Variants in PCDH11X observed in about 807,000 individuals in gnomAD.
The protein encoded by PCDH11X is protocadherin-11 X-linked.
A neutral mutation model predicts 53.3 loss-of-function variants in PCDH11X; 18 were observed. The ratio of observed to expected loss-of-function variants is 0.34; its 90% confidence interval spans 0.23 to 0.50. The LOEUF (loss-of-function observed/expected upper bound fraction) is 0.50, where lower values mean the gene tolerates loss of function less well. Ranked by LOEUF, PCDH11X falls within the 20% of genes least tolerant of loss-of-function variation. The pLI is 0.98. For missense variants in PCDH11X, 570 were observed against 1,032.4 expected (o/e 0.55, Z 6.14); for synonymous variants, 279 against 393.3 (o/e 0.71, Z 3.44).
At chrX:92,199,944 C>G (rs1046814800) in intron 6 of PCDH11X, among the ~76,000 whole-genome samples, 1 of 110,748 alleles carries the variant, frequency 9.0e-6, no homozygotes, top group African/African-American at 3.3e-5. Flanking sequence ...AGACGTTGAA[C>G]TGCTCACAGT....
chrX:92,041,521 C>T (rs1407717008), intron 6 of PCDH11X, among the ~76,000 whole-genome samples: 2 of 110,584 alleles, frequency 1.8e-5, no homozygotes, highest in Admixed American at 9.7e-5. Flanking sequence ...ACATTAAAAA[C>T]GTCAATGTAA....
intron 8 of PCDH11X, among the ~76,000 whole-genome samples, chrX:92,301,747 T>TTTTTTTTTTGAGAGG (rs1569459128): frequency 9.1e-6 from 1 of 110,383 alleles, no homozygotes; most frequent in African/African-American, 3.4e-5. Context: ...GTGTTGTCTT[T>TTTTTTTTTTGAGAGG]GCCTGGTTCT....
chrX:91,810,286 C>A (rs2147558928), intron 2 of PCDH11X, among the ~76,000 whole-genome samples, 187 bp from the exon 3 acceptor site: 1 of 111,158 alleles, frequency 9.0e-6, no homozygotes, highest in Non-Finnish European at 1.9e-5. Context: ...TCTTTATGTT[C>A]TTTGCTTCCC....
Position 92,298,760 on chromosome X carries a change from C to T in PCDH11X, c.3144+35617C>T, listed in dbSNP as rs1006562704. 5.4e-5 allele frequency among the ~76,000 whole-genome samples: 6 copies of T among 110,403 alleles called. No individual in the cohort carries two copies. The Admixed American group carries it at 5.8e-4, about 11-fold the overall frequency. On this transcript the variant is annotated intron_variant, in intron 8 of 10. Transcript: ENST00000682573. ...AGGTTCGGGCTGCTATTTCTTGTGG[C>T]CCAATAACAAGATGCAGATGAACTA... is the stretch of plus-strand genomic sequence containing the variant.
At chrX:92,570,932 GA>G (rs753119707) in intron 10 of PCDH11X, among the ~76,000 whole-genome samples, 2,637 of 111,181 alleles carry the variant, frequency 0.024, 75 homozygotes, top group African/African-American at 0.08. Flanking sequence ...AGAGAAAAAA[GA>G]ATAAACACAT....
chrX:92,186,358 A>G (rs1318734599), intron 6 of PCDH11X, among the ~76,000 whole-genome samples: 1 of 111,899 alleles, frequency 8.9e-6, no homozygotes, highest in Non-Finnish European at 1.9e-5. Context: ...AGCTGGGCGT[A>G]GTGGCTCACG....
intron 10 of PCDH11X, among the ~76,000 whole-genome samples, chrX:92,592,349 C>T (rs1385720105): frequency 4.7e-5 from 5 of 105,737 alleles, no homozygotes; most frequent in Admixed American, 1.0e-4. Flanking sequence ...AATCACTTAC[C>T]ATTTCTTTGG....
At chrX:91,925,827 T>A (rs1377964417) in intron 6 of PCDH11X, among the ~76,000 whole-genome samples, 10 of 110,187 alleles carry the variant, frequency 9.1e-5, no homozygotes, top group African/African-American at 3.0e-4. Context: ...TTTAGAAGGC[T>A]TGAATTCTAA....
At chrX:92,031,967 G>A (rs1381618787) in intron 6 of PCDH11X, among the ~76,000 whole-genome samples, 1 of 111,569 alleles carries the variant, frequency 9.0e-6, no homozygotes, top group African/African-American at 3.3e-5. Context: ...TTTACTCTGG[G>A]TGTTTGGTGT....
rs927950746 is a variant in PCDH11X at position 91,984,310 on chromosome X, T to C, written c.3033+105037T>C. ...TTCATTTTTATTAGTTTAATCTCTT[T>C]AAGAATATGTGTGAACTTTTGTCAT... On this transcript the variant is annotated intron_variant, in intron 6 of 10. Transcript: ENST00000682573. Among the ~76,000 whole-genome samples, 28 of 101,175 alleles carry C rather than the reference T, an allele frequency of 2.8e-4. No individual in the cohort carries two copies. The Admixed American group carries it at 2.8e-3, about 10-fold the overall frequency. The allele number at this position is 101,175 out of a possible 115,157, so 87.9% of individuals were successfully genotyped here. A position where few individuals can be genotyped will look rare whatever the true frequency, so the allele number is the denominator to read the frequency against.
intron 6 of PCDH11X, among the ~76,000 whole-genome samples, chrX:91,893,881 A>G (rs1940622623): frequency 8.9e-6 from 1 of 111,961 alleles, no homozygotes; most frequent in Non-Finnish European, 1.9e-5. Context: ...ACTTACATTG[A>G]AAGCAAATAT....
intron 6 of PCDH11X, among the ~76,000 whole-genome samples, chrX:91,962,271 A>G (rs1850779557): frequency 8.9e-6 from 1 of 111,733 alleles, no homozygotes; most frequent in African/African-American, 3.3e-5. Flanking sequence ...GTTACTACCT[A>G]CATACAATGA....
chrX:92,594,841 AT>A (rs372757429), intron 10 of PCDH11X, among the ~76,000 whole-genome samples: 56 of 82,553 alleles, frequency 6.8e-4, no homozygotes, highest in Middle Eastern at 6.1e-3. Context: ...AAACATTGCT[AT>A]TTTTTTTGTT....
intron 6 of PCDH11X, among the ~76,000 whole-genome samples, chrX:91,990,382 G>T (rs1342486483): frequency 9.8e-6 from 1 of 101,540 alleles, no homozygotes; most frequent in African/African-American, 3.8e-5. Flanking sequence ...GTTTGTGGTT[G>T]CTTGTTGGGA....
intron 6 of PCDH11X, among the ~76,000 whole-genome samples, chrX:91,925,349 G>A (rs984779866): frequency 9.0e-6 from 1 of 110,784 alleles, no homozygotes; most frequent in Non-Finnish European, 1.9e-5. Context: ...CTCAAAGTAC[G>A]GTTTCTACTG....
chrX:92,104,343 T>G (rs1437437290), intron 6 of PCDH11X, among the ~76,000 whole-genome samples: 1 of 110,128 alleles, frequency 9.1e-6, no homozygotes, highest in Non-Finnish European at 1.9e-5. Flanking sequence ...TCAGCGACAC[T>G]TGGGGTTGGT....
At chrX:92,326,981 A>C (rs1197266217) in intron 8 of PCDH11X, among the ~76,000 whole-genome samples, 2 of 109,545 alleles carry the variant, frequency 1.8e-5, no homozygotes, top group East Asian at 5.8e-4. Context: ...TATCTGTGTT[A>C]ATAATCTGAA....
intron 6 of PCDH11X, among the ~76,000 whole-genome samples, chrX:92,036,333 A>G (rs1341987056): frequency 9.2e-6 from 1 of 109,025 alleles, no homozygotes; most frequent in Non-Finnish European, 1.9e-5. Context: ...CTCCACCAAA[A>G]CCTCATCTTG....
chrX:91,869,993 A>C (rs1414337303), intron 5 of PCDH11X, among the ~76,000 whole-genome samples: 1 of 112,167 alleles, frequency 8.9e-6, no homozygotes, highest in Non-Finnish European at 1.9e-5. Flanking sequence ...TACAGAATTA[A>C]TCAGATTATG....
Sources: gnomAD v4.1 joint callset for allele counts (sites outside exome capture counted in the v4.1 genomes callset) on GRCh38, gnomAD v4.1.1 for gene constraint, MANE v1.5 for transcripts, NCBI Gene and HGNC (gene_info 2026-07-23, HGNC 2026-07-21) for gene names.